Variants in PPTC7 observed in about 807,000 individuals in gnomAD.
The protein encoded by PPTC7 is protein phosphatase PTC7 homolog.
PPTC7 carries 6 observed loss-of-function variants against 30.8 expected under a neutral mutation model. The observed-to-expected ratio is 0.19, with a 90% CI of 0.11 to 0.38. The LOEUF (loss-of-function observed/expected upper bound fraction) is 0.38, where lower values mean the gene tolerates loss of function less well. Ranked by LOEUF, PPTC7 falls within the 10% of genes least tolerant of loss-of-function variation. PPTC7 has a pLI of 1.00. For synonymous variants in PPTC7, 163 were observed against 168.1 expected, an observed-to-expected ratio of 0.97 and a Z score of 0.23; for missense variants, 218 against 404.8, an observed-to-expected ratio of 0.54 and a Z score of 3.96.
chr12:110,564,149 C>T (rs1385049633), intron 1 of PPTC7, among the ~76,000 whole-genome samples: 1 of 152,188 alleles, frequency 6.6e-6, no homozygotes, highest in African/African-American at 2.4e-5. Context: ...TCCTTTCTGG[C>T]CTGCAACAGT....
Position 110,537,301 on chromosome 12 carries a change from T to TA in PPTC7, c.857-207dup, listed in dbSNP as rs201757596. ...CAAGAAATTACATGAAACTGAAGCTTAAAAAAAAAAATCTTCCCTGCTCCT... is the reference window on the plus strand; with the variant it reads ...CAAGAAATTACATGAAACTGAAGCTTAAAAAAAAAAAATCTTCCCTGCTCCT... On this transcript the variant is annotated intron_variant, in intron 5 of 5. Transcript: ENST00000354300. Among the ~76,000 whole-genome samples the TA allele has an allele frequency of 2.4e-3, 348 of 147,748 alleles. 7 individuals carry two copies. The highest frequency in any genetic ancestry group is 0.015 in the East Asian group (74 of 5,098).
chr12:110,545,154 G>A (rs529722843), intron 3 of PPTC7, among the ~76,000 whole-genome samples: 13 of 151,932 alleles, frequency 8.6e-5, no homozygotes, highest in South Asian at 8.3e-4. Flanking sequence ...GTGCAGTGGC[G>A]CAATCTCGGC....
intron 1 of PPTC7, among the ~76,000 whole-genome samples, chr12:110,555,575 G>A (rs758372690): frequency 2.0e-4 from 31 of 152,192 alleles, no homozygotes; most frequent in African/African-American, 7.0e-4. Context: ...AGAGCGGAAG[G>A]AGTTTAAGTA....
chr12:110,558,531 T>C (rs936210850), intron 1 of PPTC7, among the ~76,000 whole-genome samples: 2 of 152,250 alleles, frequency 1.3e-5, no homozygotes, highest in African/African-American at 4.8e-5. Context: ...CCAATTAAAA[T>C]CACTATTAGA....
intron 5 of PPTC7, among the ~76,000 whole-genome samples, chr12:110,537,469 C>A (rs543747873): frequency 6.6e-6 from 1 of 152,300 alleles, no homozygotes; most frequent in African/African-American, 2.4e-5. Flanking sequence ...TAGGAATAGC[C>A]TTGTATTCTA....
chr12:110,552,385 C>T (rs1043962620), intron 1 of PPTC7, among the ~76,000 whole-genome samples: 2 of 152,172 alleles, frequency 1.3e-5, no homozygotes, highest in Non-Finnish European at 2.9e-5. Flanking sequence ...ACATCAAAAG[C>T]GGCAACCTTT....
At chr12:110,582,694 C>G (rs1054575574) in intron 1 of PPTC7, 115 bp downstream of exon 1, 7 of 897,948 alleles carry the variant, frequency 7.8e-6, no homozygotes, top group Non-Finnish European at 1.2e-5. Flanking sequence ...AGCGCTCCCT[C>G]CATGTGAGCG....
At chr12:110,555,309 T>G (rs1352661056) in intron 1 of PPTC7, among the ~76,000 whole-genome samples, 5 of 152,144 alleles carry the variant, frequency 3.3e-5, no homozygotes, top group Non-Finnish European at 7.3e-5. Context: ...ACAGGGCAAT[T>G]CCAAATTAGC....
chr12:110,573,867 G>C (rs1330506997), intron 1 of PPTC7, among the ~76,000 whole-genome samples: 1 of 152,024 alleles, frequency 6.6e-6, no homozygotes, highest in African/African-American at 2.4e-5. Context: ...TGTAATCCCA[G>C]CTACTCGGGA....
At chr12:110,537,180 A>G (rs992980328) in intron 5 of PPTC7, 85 bp from the exon 6 acceptor site, 1 of 1,054,580 alleles carries the variant, frequency 9.5e-7, no homozygotes, top group African/African-American at 1.6e-5. Flanking sequence ...ACTAGGAGAC[A>G]AATGCTTGCA....
At chr12:110,546,903 G>A (rs1426655312) in intron 2 of PPTC7, 1 of 152,168 alleles carries the variant, frequency 6.6e-6, no homozygotes, top group African/African-American at 2.4e-5. Flanking sequence ...CACTAGTAAC[G>A]CTTTTCACCT....
rs562788720 is a variant in PPTC7, at chr12:110,550,207, C to T, written c.403+1582G>A. Among the ~76,000 whole-genome samples, 5 of 150,642 alleles carry T rather than the reference C, an allele frequency of 3.3e-5. No homozygotes were observed. In the East Asian group the frequency reaches 5.8e-4, roughly 18 times the overall value. On this transcript the variant is annotated intron_variant, in intron 2 of 5. Transcript: ENST00000354300. ...TAACAACTGTGGTGATCTCCATTAACGCTAAACAGGGGCTGATTTTTTTTT... is the reference window on the plus strand; with the variant it reads ...TAACAACTGTGGTGATCTCCATTAATGCTAAACAGGGGCTGATTTTTTTTT...
Position 110,536,074 on chromosome 12 carries a change from G to A in PPTC7, c.*963C>T, listed in dbSNP as rs903193201. 1 of 152,258 alleles carries A rather than the reference G, an allele frequency of 6.6e-6. No homozygotes were observed. The highest frequency in any genetic ancestry group is 1.5e-5 in the Non-Finnish European group (1 of 68,046). The allele number at this position is 152,258 out of a possible 1,614,324, so 9.4% of individuals were successfully genotyped here. On this transcript the variant is annotated 3_prime_UTR_variant, in exon 6 of 6. Coordinates refer to ENST00000354300, the MANE Select transcript of PPTC7 (RefSeq NM_139283.2). The stretch of plus-strand genomic sequence containing the variant: ...CTACTAATAAAAGGTCTGAGAGTAC[G>A]AGTATGGGTAGGTAGCATGACCACT...
intron 2 of PPTC7, chr12:110,546,678 A>C (rs1167090634): frequency 6.4e-6 from 1 of 156,154 alleles, no homozygotes; most frequent in East Asian, 1.9e-4. Flanking sequence ...TTCGACAGAG[A>C]CTCTGGGCAA....
At chr12:110,582,490 CG>C (rs1254144995) in intron 1 of PPTC7, among the ~76,000 whole-genome samples, 2 of 152,182 alleles carry the variant, frequency 1.3e-5, no homozygotes, top group Non-Finnish European at 2.9e-5. Context: ...GGGACGAGGT[CG>C]CCCAGGGCTG....
chr12:110,541,522 A>C (rs1475551897), intron 3 of PPTC7, among the ~76,000 whole-genome samples: 1 of 150,300 alleles, frequency 6.7e-6, no homozygotes, highest in Non-Finnish European at 1.5e-5. Context: ...AGCCTGGTTA[A>C]AACCCGTTTC....
At position 110,546,062 on chromosome 12, in the gene PPTC7, G is replaced by A; in HGVS notation, c.420C>T (p.Cys140=). ...GGCTGGTTCTGTCCAGCACCACAAT[G>A]CAGGCGGTGCTGCTACCTAGAAACA... ...KVPLLGSSTA[C]IVVLDRTSHR... is the part of the protein sequence containing the mutation. Residue 140 remains cysteine (C), a synonymous_variant, in exon 3 of 6, where the codon TGC becomes TGT. Transcript: ENST00000354300. The A allele has an allele frequency of 6.2e-7, 1 of 1,613,744 alleles. No individual in the cohort carries two copies. The highest frequency in any genetic ancestry group is 8.5e-7 in the Non-Finnish European group (1 of 1,179,768).
intron 1 of PPTC7, among the ~76,000 whole-genome samples, chr12:110,579,435 G>T (rs1041853405): frequency 1.3e-5 from 2 of 152,154 alleles, no homozygotes; most frequent in African/African-American, 4.8e-5. Flanking sequence ...ATCTGACTGT[G>T]TCTGCTGGCA....
intron 1 of PPTC7, among the ~76,000 whole-genome samples, chr12:110,572,495 G>T (rs553460426): frequency 1.3e-5 from 2 of 152,234 alleles, no homozygotes; most frequent in South Asian, 2.1e-4. Flanking sequence ...AGTCCAAAAA[G>T]AAATAAATTC....
Sources: allele counts gnomAD v4.1 joint callset (sites outside exome capture counted in the v4.1 genomes callset), GRCh38; gene constraint gnomAD v4.1.1; transcripts MANE v1.5; gene names NCBI Gene and HGNC (gene_info 2026-07-23, HGNC 2026-07-21).